IRAG2: variants seen among roughly 807,000 people sequenced by gnomAD.
The protein encoded by IRAG2 is lymphoid restricted membrane protein.
Under a neutral mutation model 69.9 loss-of-function variants are expected in IRAG2, and 45 were observed. That is an observed-to-expected ratio of 0.64 (90% CI 0.51 to 0.83). The LOEUF is 0.83. IRAG2 is among the 40% of genes least tolerant of loss of function. IRAG2 has a pLI of 0.00. For synonymous variants in IRAG2, 193 were observed against 202.4 expected (o/e 0.95, Z 0.40); for missense variants, 520 against 587.0 (o/e 0.89, Z 1.18).
At chr12:25,074,733 TTC>T (rs1946567671) in intron 6 of IRAG2, among the ~76,000 whole-genome samples, 2 of 152,218 alleles carry the variant, frequency 1.3e-5, no homozygotes. Context: ...GGAGATGAAT[TTC>T]TCTGTTTTTC....
At chr12:25,075,419 AAAT>A (rs1946616730) in intron 6 of IRAG2, among the ~76,000 whole-genome samples, 1 of 152,174 alleles carries the variant, frequency 6.6e-6, no homozygotes, top group African/African-American at 2.4e-5. Flanking sequence ...AGCAAAAATA[AAAT>A]AATCCTGGGA....
At chr12:25,028,942 C>T (rs1393237267) in intron 9 of IRAG2, among the ~76,000 whole-genome samples, 3 of 152,120 alleles carry the variant, frequency 2.0e-5, no homozygotes, top group Admixed American at 6.5e-5. Flanking sequence ...CTGTTACCTG[C>T]GCAGTAGTGC....
At chr12:25,071,701 GC>G (rs767068792) in intron 6 of IRAG2, among the ~76,000 whole-genome samples, 9 of 152,004 alleles carry the variant, frequency 5.9e-5, no homozygotes, top group Non-Finnish European at 1.0e-4. Flanking sequence ...GATTTGTCCA[GC>G]TTCAAAGGAT....
At chr12:25,002,644 C>CTTT (rs747474830), upstream of IRAG2, among the ~76,000 whole-genome samples, 8 of 137,778 alleles carry the variant, frequency 5.8e-5, 1 homozygote, top group South Asian at 2.3e-4. Context: ...TCTTCTTCTT[C>CTTT]TTTTCTTTTT....
exon 7 of IRAG2, chr12:25,020,813 C>G: frequency 8.1e-7 from 1 of 1,231,684 alleles, no homozygotes; most frequent in Non-Finnish European, 1.0e-6. Flanking sequence ...ATTATGAGAA[C>G]AAATCTGTTA....
In IRAG2 at chr12:25,084,428, C is replaced by T. The variant is rs563258774; in HGVS notation, c.315+935C>T. 7.9e-5 allele frequency among the ~76,000 whole-genome samples: 12 copies of T among 152,054 alleles called. No homozygotes were observed. The South Asian group carries it at 2.3e-3, about 29-fold the overall frequency. On this transcript the variant is annotated intron_variant, in intron 10 of 21. Transcript: ENST00000556887. ...AGAGAGAGAGAGAGAAGACTCATTTCCACTTCTATGAATTAATAATCATTA... is the reference window on the plus strand; with the variant it reads ...AGAGAGAGAGAGAGAAGACTCATTTTCACTTCTATGAATTAATAATCATTA...
At chr12:25,020,695 T>A (rs1944571346) in intron 6 of IRAG2, 3 of 480,622 alleles carry the variant, frequency 6.2e-6, no homozygotes, top group African/African-American at 2.0e-5. Context: ...TTAGTGGTTT[T>A]CAACTTGGGT....
Position 25,063,989 on chromosome 12 carries a change from A to C in IRAG2, c.-207+173A>C, listed in dbSNP as rs556427484. Among the ~76,000 whole-genome samples the C allele has an allele frequency of 4.8e-4, 73 of 152,322 alleles. 1 individual carries two copies. The highest frequency in any genetic ancestry group is 1.7e-3 in the African/African-American group (72 of 41,588). ...TTGAGTACCTGCTCTGTGCAAGGCA[A>C]CATATTATGCATGATAAAGAATAAG... On this transcript the variant is annotated intron_variant, in intron 4 of 21. Transcript: ENST00000556887.
intron 6 of IRAG2, among the ~76,000 whole-genome samples, chr12:25,073,414 T>G (rs1162872870): frequency 6.6e-6 from 1 of 152,254 alleles, no homozygotes; most frequent in Non-Finnish European, 1.5e-5. Flanking sequence ...TTTAAAACAC[T>G]GAGAGTGAGC....
chr12:25,088,237 AG>A (rs1947781829), intron 11 of IRAG2, 80 bp downstream of exon 11: 1 of 1,137,788 alleles, frequency 8.8e-7, no homozygotes. Flanking sequence ...GTCTGAATAA[AG>A]CTATGTCACT....
At chr12:25,083,610 G>C (rs1369337018) in intron 10 of IRAG2, 117 bp downstream of exon 10, 1 of 601,504 alleles carries the variant, frequency 1.7e-6, no homozygotes, top group Non-Finnish European at 2.8e-6. Flanking sequence ...ATATTATGAC[G>C]TTCATATAAT....
chr12:25,016,390 T>A (rs1944528936), intron 5 of IRAG2, among the ~76,000 whole-genome samples: 1 of 152,014 alleles, frequency 6.6e-6, no homozygotes, highest in Non-Finnish European at 1.5e-5. Context: ...GAAAGATGAG[T>A]ACTGAATTGT....
chr12:25,044,996 C>T (rs1226004785), intron 16 of IRAG2, among the ~76,000 whole-genome samples: 2 of 152,016 alleles, frequency 1.3e-5, no homozygotes, highest in East Asian at 1.9e-4. Flanking sequence ...CAGGATAGAC[C>T]ACACATTAGG....
intron 15 of IRAG2, among the ~76,000 whole-genome samples, chr12:25,100,265 G>A (rs1948681594): frequency 6.6e-6 from 1 of 152,024 alleles, no homozygotes; most frequent in Admixed American, 6.6e-5. Flanking sequence ...TGAGGATGTG[G>A]GGAGATTGCA....
chr12:25,012,484 A>C (rs1370743937), intron 3 of IRAG2, among the ~76,000 whole-genome samples: 1 of 151,816 alleles, frequency 6.6e-6, no homozygotes, highest in Admixed American at 6.6e-5. Context: ...TATGCCTCCT[A>C]TTCAGCCACC....
intron 1 of IRAG2, among the ~76,000 whole-genome samples, chr12:25,053,542 A>G (rs1945003013): frequency 6.6e-6 from 1 of 152,218 alleles, no homozygotes; most frequent in South Asian, 2.1e-4. Context: ...TATTACCCAA[A>G]AGTATATAAA....
In IRAG2 at chr12:25,061,572, G is replaced by T. The variant is rs540685655; in HGVS notation, c.-446-20G>T. On this transcript the variant is annotated intron_variant, in intron 1 of 21. Coordinates refer to ENST00000556887, the MANE Select transcript of IRAG2 (RefSeq NM_001366544.2). ...AAATTAAAATGGTCATATTGAGCTG[G>T]TTATAAATTCTCTTTGTAGCAACAA... 140 of 398,512 alleles carry T rather than the reference G, an allele frequency of 3.5e-4. No homozygotes were observed. The highest frequency in any genetic ancestry group is 2.6e-3 in the African/African-American group (125 of 48,738). The allele number at this position is 398,512 out of a possible 1,614,324, so 24.7% of individuals were successfully genotyped here. A position where few individuals can be genotyped will look rare whatever the true frequency, so the allele number is the denominator to read the frequency against.
chr12:25,004,617 A>G, exon 1 of IRAG2: 1 of 1,232,104 alleles, frequency 8.1e-7, no homozygotes, highest in Non-Finnish European at 1.0e-6. Context: ...CTCAAATAAT[A>G]TCTCCAAGAA....
intron 16 of IRAG2, among the ~76,000 whole-genome samples, chr12:25,045,263 G>A (rs1944783846): frequency 6.6e-6 from 1 of 151,964 alleles, no homozygotes; most frequent in African/African-American, 2.4e-5. Context: ...TCCTAAGAGG[G>A]CATTTTATAG....
Sources: allele counts gnomAD v4.1 joint callset (sites outside exome capture counted in the v4.1 genomes callset), GRCh38; gene constraint gnomAD v4.1.1; transcripts MANE v1.5; gene names NCBI Gene and HGNC (gene_info 2026-07-23, HGNC 2026-07-21).